FLNC: variants seen among roughly 807,000 people sequenced by gnomAD.
The protein encoded by FLNC is filamin-C.
In FLNC, 91 loss-of-function variants were observed where a neutral mutation model predicts 254.3. The ratio of observed to expected loss-of-function variants is 0.36; its 90% CI spans 0.30 to 0.43. The LOEUF is 0.43. FLNC is among the 20% of genes least tolerant of loss of function. The probability of loss-of-function intolerance (pLI) is 1.00; values close to 1 mark genes in which losing one functional copy is unlikely to be tolerated. For synonymous variants in FLNC, 1,430 were observed against 1,577.2 expected (o/e 0.91, Z 2.21); for missense variants, 2,853 against 3,802.6 (o/e 0.75, Z 6.57).
Position 128,854,122 on chromosome 7 carries a change from C to G in FLNC, c.6633C>G (p.Thr2211=). The change falls in exon 40 of 48, where the codon ACC becomes ACG. Residue 2211 remains threonine, a synonymous_variant. Coordinates refer to ENST00000325888, the MANE Select transcript of FLNC (RefSeq NM_001458.5). The part of the protein sequence containing the change: ...TKREVRVEES[T]QVGGDPFPAV... Reference sequence around the variant, plus strand: ...GCGAGGTGCGGGTGGAGGAGTCCACCCAGGTCGGCGGGGACCCCTTCCCTG... The same window carrying G: ...GCGAGGTGCGGGTGGAGGAGTCCACGCAGGTCGGCGGGGACCCCTTCCCTG... 2 of 1,612,882 alleles carry G rather than the reference C, an allele frequency of 1.2e-6. No individual in the cohort carries two copies. The highest frequency in any genetic ancestry group is 1.7e-6 in the Non-Finnish European group (2 of 1,179,892).
At position 128,849,197 on chromosome 7, in the gene FLNC, T is replaced by C. The variant is rs1297529468; in HGVS notation, c.4944T>C (p.His1648=). 1.2e-6 allele frequency: 2 copies of C among 1,611,776 alleles called. No individual in the cohort carries two copies. The highest frequency in any genetic ancestry group is 1.7e-6 in the Non-Finnish European group (2 of 1,178,830). Reference sequence around the variant, plus strand: ...TCTTTCCAGTGTCCATTGGAGGCCATGGCCTGGGTGAGTGCCCTTTCTCTC... The same window carrying C: ...TCTTTCCAGTGTCCATTGGAGGCCACGGCCTGGGTGAGTGCCCTTTCTCTC... The part of the protein sequence containing the change: ...KCLVTVSIGG[H]GLGACLGPRI... The change falls in exon 29 of 48, where the codon CAT becomes CAC. Residue 1648 remains histidine (H), a synonymous_variant. Coordinates refer to ENST00000325888, the MANE Select transcript of FLNC (RefSeq NM_001458.5).
intron 31 of FLNC, 148 bp from the exon 32 acceptor site, chr7:128,850,236 C>A: frequency 1.1e-6 from 1 of 927,328 alleles, no homozygotes. Context: ...CACAGCACTC[C>A]TTCTCTTGCA....
chr7:128,842,113 G>A lies in FLNC; in HGVS notation c.2122-118G>A. The A allele has an allele frequency of 9.3e-7, 1 of 1,078,568 alleles. No individual in the cohort carries two copies. Among genetic ancestry groups the A allele is most frequent in the Non-Finnish European group, 1.4e-6 (1 of 727,690 alleles). 66.8% of individuals were successfully genotyped at this position (1,078,568 alleles called of 1,614,324 possible). On this transcript the variant is annotated intron_variant, in intron 13 of 47. Coordinates refer to ENST00000325888, the MANE Select transcript of FLNC (RefSeq NM_001458.5). This position sits in a 1 kb window ranked among gnomAD's most constrained non-coding sequence, Gnocchi z 5.4. ...GGCTCTGGTGGCCTCAGTGGCTGGT[G>A]TGGGGGCGGGAGTGCCAGTGTTGGG...
At position 128,842,411 on chromosome 7, in the gene FLNC, G is replaced by C; in HGVS notation, c.2265+37G>C. The C allele has an allele frequency of 6.2e-7, 1 of 1,612,940 alleles. No individual in the cohort carries two copies. Among genetic ancestry groups the C allele is most frequent in the Non-Finnish European group, 8.5e-7 (1 of 1,179,824 alleles). ...CGGCCTGCCCCGTGCCCACCACCAG[G>C]GGTCCCTGAGGGAGGGCGGAACCCT... is the stretch of plus-strand genomic sequence containing the variant. On this transcript the variant is annotated intron_variant, in intron 14 of 47. Coordinates refer to ENST00000325888, the MANE Select transcript of FLNC (RefSeq NM_001458.5). This position sits in a 1 kb window ranked among gnomAD's most constrained non-coding sequence, Gnocchi z 5.4.
intron 26 of FLNC, among the ~76,000 whole-genome samples, chr7:128,848,357 C>T (rs1249512200): frequency 6.6e-6 from 1 of 152,110 alleles, no homozygotes; most frequent in Non-Finnish European, 1.5e-5. Flanking sequence ...GGAGACGTAC[C>T]CTGGCTCTGT....
Position 128,850,405 on chromosome 7 carries a change from C to T in FLNC, c.5320C>T (p.Pro1774Ser), listed in dbSNP as rs370823820. 3 of 1,613,828 alleles carry T rather than the reference C, an allele frequency of 1.9e-6. No homozygotes were observed. The highest frequency in any genetic ancestry group is 2.5e-6 in the Non-Finnish European group (3 of 1,179,890). The change falls in exon 32 of 48, where the codon CCT becomes TCT. Residue 1774 changes from proline to serine, a missense_variant. Around this residue, in one of 10 missense-constraint regions of FLNC, gnomAD observed 258 missense variants for 312.3 expected, o/e 0.83. Transcript: ENST00000325888. Reference sequence around the variant, plus strand: ...GCAGGCCACAGAGGAGCCAGTGGTGCCTGTGGAGCCAATGGAGTCCATGCT... The same window carrying T: ...GCAGGCCACAGAGGAGCCAGTGGTGTCTGTGGAGCCAATGGAGTCCATGCT... Reference protein sequence around the residue: ...THWATEEPVVPVEPMESMLRP... With the variant: ...THWATEEPVVSVEPMESMLRP...
chr7:128,855,388 T>C (rs2128939808), intron 43 of FLNC, 74 bp downstream of exon 43: 3 of 966,230 alleles, frequency 3.1e-6, no homozygotes, highest in Non-Finnish European at 5.0e-6. Flanking sequence ...AGCAGGTCCA[T>C]GGGGCCAGGG....
In FLNC at chr7:128,830,841, C is replaced by G. The variant is rs752213633; in HGVS notation, c.204C>G (p.Leu68=). 20 of 1,612,984 alleles carry G rather than the reference C, an allele frequency of 1.2e-5. No individual in the cohort carries two copies. Among genetic ancestry groups the G allele is most frequent in the Middle Eastern group, 1.6e-4 (1 of 6,082 alleles). Residue 68 remains leucine (L), a synonymous_variant, in exon 1 of 48, where the codon CTC becomes CTG. Transcript: ENST00000325888. ...TDLQRDLSDG[L]RLIALLEVLS... ...TGCAGCGCGACCTCAGCGACGGGCTCCGGCTCATCGCGCTGCTCGAGGTGC... is the reference window on the plus strand; with the variant it reads ...TGCAGCGCGACCTCAGCGACGGGCTGCGGCTCATCGCGCTGCTCGAGGTGC...
chr7:128,834,942 T>C (rs556920601), intron 1 of FLNC, among the ~76,000 whole-genome samples: 1 of 152,350 alleles, frequency 6.6e-6, no homozygotes, highest in South Asian at 2.1e-4. Context: ...TTCTCTAGCA[T>C]GTGCAGTTTG....
At position 128,844,635 on chromosome 7, in the gene FLNC, C is replaced by G. The variant is rs991207254; in HGVS notation, c.3193-23C>G. The G allele has an allele frequency of 3.1e-6, 5 of 1,602,720 alleles. No individual in the cohort carries two copies. In the African/African-American group the frequency reaches 6.7e-5, roughly 21 times the overall value. On this transcript the variant is annotated intron_variant, in intron 20 of 47. Coordinates refer to ENST00000325888, the MANE Select transcript of FLNC (RefSeq NM_001458.5). ...GATGAGGAGGCCAGGTGCAGGGAAC[C>G]CACAACCTGCCTCTTCCCCTAGGTC...
Position 128,856,846 on chromosome 7 carries a change from G to A in FLNC, c.7486G>A (p.Val2496Ile), listed in dbSNP as rs200295337. 6.2e-6 allele frequency: 10 copies of A among 1,614,212 alleles called. No homozygotes were observed. Among genetic ancestry groups the A allele is most frequent in the South Asian group, 5.5e-5 (5 of 91,088 alleles). Residue 2496 changes from valine (V) to isoleucine (I), a missense_variant, in exon 45 of 48, where the codon GTT becomes ATT. Physicochemically the swap from Val to Ile is conservative, Grantham distance 29 (BLOSUM62 3). Around this residue, in one of 10 missense-constraint regions of FLNC, gnomAD observed 197 missense variants for 351.5 expected, o/e 0.56. Coordinates refer to ENST00000325888, the MANE Select transcript of FLNC (RefSeq NM_001458.5). This position sits in a 1 kb window ranked among gnomAD's most constrained non-coding sequence, Gnocchi z 5.9. ...CCCTGGAAGTCCCTTCAAGATCCGC[G>A]TTGGGGAGCAGAGCCAGGCTGGGGA... ...HIPGSPFKIR[V>I]GEQSQAGDPG...
rs952939840 is a variant in FLNC, at chr7:128,836,497, G to A, written c.602-663G>A. Among the ~76,000 whole-genome samples, 23 of 152,150 alleles carry A rather than the reference G, an allele frequency of 1.5e-4. No individual in the cohort carries two copies. The highest frequency in any genetic ancestry group is 4.8e-4 in the African/African-American group (20 of 41,422). ...TGTGCCGTCCCCCTCCTCCAGCTCT[G>A]GCCTAAACCAAGCGCCCCTTCACCT... On this transcript the variant is annotated intron_variant, in intron 2 of 47. Transcript: ENST00000325888. The surrounding 1 kb of genome is among the most constrained non-coding windows in gnomAD (Gnocchi z 6.0).
At chr7:128,852,057 G>A (rs1201073771) in intron 35 of FLNC, among the ~76,000 whole-genome samples, 2 of 152,114 alleles carry the variant, frequency 1.3e-5, no homozygotes, top group African/African-American at 4.8e-5. Context: ...GTAGAGACAG[G>A]GTTTCACCGT....
intron 1 of FLNC, among the ~76,000 whole-genome samples, chr7:128,834,715 A>G (rs1808030760): frequency 6.6e-6 from 1 of 152,180 alleles, no homozygotes; most frequent in Admixed American, 6.5e-5. Flanking sequence ...GTGTGATTCC[A>G]TTTATATAAC....
chr7:128,842,143 G>C lies in FLNC; in HGVS notation c.2122-88G>C. On this transcript the variant is annotated intron_variant, in intron 13 of 47. Coordinates refer to ENST00000325888, the MANE Select transcript of FLNC (RefSeq NM_001458.5). The surrounding 1 kb of genome is among the most constrained non-coding windows in gnomAD (Gnocchi z 5.4). ...GGCGGGAGTGCCAGTGTTGGGGGTG[G>C]GAAAGGAGGCGCTGGGTTCACCTGC... The C allele has an allele frequency of 1.4e-6, 2 of 1,395,742 alleles. No individual in the cohort carries two copies. Among genetic ancestry groups the C allele is most frequent in the Non-Finnish European group, 2.0e-6 (2 of 1,006,096 alleles). The allele number at this position is 1,395,742 out of a possible 1,614,324, so 86.5% of individuals were successfully genotyped here.
rs1352949743 is a variant in FLNC at position 128,857,725 on chromosome 7, C to A, written c.7781-283C>A. Among the ~76,000 whole-genome samples the A allele has an allele frequency of 1.3e-5, 2 of 151,994 alleles. No individual in the cohort carries two copies. Among genetic ancestry groups the A allele is most frequent in the Non-Finnish European group, 2.9e-5 (2 of 68,010 alleles). The stretch of plus-strand genomic sequence containing the variant: ...GTGTTCCTTTGTAAAGTGGCTCTTA[C>A]CCTGTGAGTTAGCCTGAGTTCCCAG... On this transcript the variant is annotated intron_variant, in intron 46 of 47. Transcript: ENST00000325888. This position sits in a 1 kb window ranked among gnomAD's most constrained non-coding sequence, Gnocchi z 4.5.
rs757878206 is a variant in FLNC, at chr7:128,840,886, T to G, written c.1729T>G (p.Trp577Gly). The change falls in exon 11 of 48, where the codon TGG becomes GGG. Residue 577 changes from tryptophan (W) to glycine (G), a missense_variant. Physicochemically the swap from Trp to Gly is radical, Grantham distance 184. Transcript: ENST00000325888. ...GGCAGGAGTGCAAAAGGTCCGGGCC[T>G]GGGGTCCTGGTTTGGAGACTGGCCA... Reference protein sequence around the residue: ...PEAGVQKVRAWGPGLETGQVG... With the variant: ...PEAGVQKVRAGGPGLETGQVG... The G allele has an allele frequency of 3.7e-6, 6 of 1,613,580 alleles. No homozygotes were observed. Among genetic ancestry groups the G allele is most frequent in the Non-Finnish European group, 5.1e-6 (6 of 1,179,936 alleles).
At chr7:128,843,753 C>A (rs761683229) in intron 18 of FLNC, 43 bp from the exon 19 acceptor site, 2 of 1,574,058 alleles carry the variant, frequency 1.3e-6, no homozygotes, top group African/African-American at 1.3e-5. Flanking sequence ...TGTTGTAGGA[C>A]CTTGCCTTAT....
At chr7:128,855,050 C>T (rs1808995925) in intron 42 of FLNC, 138 bp downstream of exon 42, 14 of 1,071,922 alleles carry the variant, frequency 1.3e-5, no homozygotes, top group Non-Finnish European at 1.7e-5. Context: ...TGCCCCGTCT[C>T]CCTCTACCCC....
Sources: gnomAD v4.1 joint callset for allele counts (sites outside exome capture counted in the v4.1 genomes callset) on GRCh38, gnomAD v4.1.1 for gene constraint, gnomAD v4.1.1 regional missense constraint, Gnocchi (gnomAD v3.1) non-coding constraint, MANE v1.5 for transcripts, NCBI Gene and HGNC (gene_info 2026-07-23, HGNC 2026-07-21) for gene names.